CNTN4: variants seen among roughly 807,000 people sequenced by gnomAD.
The protein encoded by CNTN4 is contactin-4.
CNTN4 carries 77 observed loss-of-function variants against 122.5 expected under a neutral mutation model. That is an observed-to-expected ratio of 0.63 (90% CI 0.52 to 0.76). The LOEUF is 0.76. Among genes scored for constraint, CNTN4 ranks in the 30% least tolerant of loss-of-function variants. The probability of loss-of-function intolerance (pLI) is 0.00; values close to 1 mark genes in which losing one functional copy is unlikely to be tolerated. For missense variants in CNTN4, 1,256 were observed against 1,259.1 expected, an observed-to-expected ratio of 1.00 and a Z score of 0.04; for synonymous variants, 512 against 447.0, an observed-to-expected ratio of 1.15 and a Z score of -1.83.
chr3:2,982,729 T>G (rs1694145977), intron 13 of CNTN4, among the ~76,000 whole-genome samples: 1 of 152,188 alleles, frequency 6.6e-6, no homozygotes, highest in South Asian at 2.1e-4. Context: ...CCTGCCCATC[T>G]TTATACCTAG....
At position 2,141,556 on chromosome 3, in the gene CNTN4, T is replaced by C. The variant is rs998429840; in HGVS notation, c.-145+40917T>C. On this transcript the variant is annotated intron_variant, in intron 2 of 24. Coordinates refer to ENST00000418658, the MANE Select transcript of CNTN4 (RefSeq NM_175607.3). ...CCAGAACTGTAAGATAGTAAATGTATATTGCTTTAAATTACTACATTTGTG... is the reference window on the plus strand; with the variant it reads ...CCAGAACTGTAAGATAGTAAATGTACATTGCTTTAAATTACTACATTTGTG... Among the ~76,000 whole-genome samples, 4 of 152,280 alleles carry C rather than the reference T, an allele frequency of 2.6e-5. No individual in the cohort carries two copies. The East Asian group carries it at 5.8e-4, about 22-fold the overall frequency.
At chr3:2,665,524 A>G (rs1253849637) in intron 4 of CNTN4, among the ~76,000 whole-genome samples, 1 of 152,204 alleles carries the variant, frequency 6.6e-6, no homozygotes, top group Admixed American at 6.5e-5. Context: ...TGAGATTGAC[A>G]TCTCTGCAGC....
intron 2 of CNTN4, among the ~76,000 whole-genome samples, chr3:2,185,504 A>G (rs931552574): frequency 1.3e-5 from 2 of 152,094 alleles, no homozygotes; most frequent in African/African-American, 4.8e-5. Context: ...CACTTTCCAT[A>G]TGCTCTAAGT....
In CNTN4 at chr3:2,462,629, C is replaced by T. The variant is rs1019730538; in HGVS notation, c.-88-108787C>T. ...TGCAGCTCAATTACAGTCTGGGCAG[C>T]AAGTTTGGACAAAAATAAAAAGAGG... On this transcript the variant is annotated intron_variant, in intron 3 of 24. Transcript: ENST00000418658. Among the ~76,000 whole-genome samples the T allele has an allele frequency of 2.0e-5, 3 of 152,164 alleles. No homozygotes were observed. In the East Asian group the frequency reaches 5.8e-4, roughly 29 times the overall value.
At chr3:2,174,489 A>T (rs1371778297) in intron 2 of CNTN4, among the ~76,000 whole-genome samples, 1 of 152,088 alleles carries the variant, frequency 6.6e-6, no homozygotes, top group African/African-American at 2.4e-5. Context: ...CTTCTCTCTG[A>T]GTTCTCACAG....
chr3:2,988,611 G>C, intron 14 of CNTN4, 139 bp downstream of exon 14: 1 of 862,172 alleles, frequency 1.2e-6, no homozygotes, highest in South Asian at 1.5e-5. Flanking sequence ...CGGCAAACAT[G>C]ATATGATTAA....
chr3:2,352,701 C>A lies in CNTN4; in HGVS notation c.-89+13468C>A, dbSNP rs2044684427. 2.0e-5 allele frequency among the ~76,000 whole-genome samples: 3 copies of A among 152,214 alleles called. No homozygotes were observed. The South Asian group carries it at 6.2e-4, about 32-fold the overall frequency. On this transcript the variant is annotated intron_variant, in intron 3 of 24. Coordinates refer to ENST00000418658, the MANE Select transcript of CNTN4 (RefSeq NM_175607.3). ...GTGGGCTCCGGCATGGCTGGAGCCTCTCCGACAGGTGCCACCCCCTGCTCT... is the reference window on the plus strand; with the variant it reads ...GTGGGCTCCGGCATGGCTGGAGCCTATCCGACAGGTGCCACCCCCTGCTCT...
chr3:2,412,128 C>CT (rs1424554504), intron 3 of CNTN4, among the ~76,000 whole-genome samples: 1 of 151,928 alleles, frequency 6.6e-6, no homozygotes, highest in African/African-American at 2.4e-5. Context: ...TTTTGAGATT[C>CT]TTTTGTATTC....
chr3:3,037,288 GC>G lies in CNTN4; in HGVS notation c.2055del (p.Ser686AlafsTer33). 1 of 1,614,144 alleles carries G rather than the reference GC, an allele frequency of 6.2e-7. No homozygotes were observed. Among genetic ancestry groups the G allele is most frequent in the Non-Finnish European group, 8.5e-7 (1 of 1,180,022 alleles). ...VAANVIGIGE[P>X]SRPSEKRRTE... is the part of the protein sequence containing the mutation. ...CAGCCAACGTGATTGGGATTGGGGAGCCCAGCCGCCCCTCAGAGAAACGGAG... is the reference window on the plus strand; with the variant it reads ...CAGCCAACGTGATTGGGATTGGGGAGCCAGCCGCCCCTCAGAGAAACGGAG... On this transcript the variant is annotated frameshift_variant, in exon 18 of 25. Transcript: ENST00000418658. LOFTEE classifies it high-confidence loss of function.
intron 13 of CNTN4, among the ~76,000 whole-genome samples, chr3:2,960,092 C>A (rs1234868064): frequency 6.6e-6 from 1 of 152,204 alleles, no homozygotes; most frequent in Non-Finnish European, 1.5e-5. Context: ...TTCTTAACGT[C>A]TGTCACCTTC....
At chr3:2,815,546 G>A (rs112941222) in intron 6 of CNTN4, among the ~76,000 whole-genome samples, 4,660 of 152,014 alleles carry the variant, frequency 0.031, 249 homozygotes, top group African/African-American at 0.1. Context: ...ATGTGATACC[G>A]CCTTACACCT....
chr3:2,145,215 C>T (rs1365265532), intron 2 of CNTN4, among the ~76,000 whole-genome samples: 2 of 152,210 alleles, frequency 1.3e-5, no homozygotes, highest in African/African-American at 2.4e-5. Context: ...GTCACTTCAT[C>T]AAATTAGTTC....
At chr3:2,347,921 A>G (rs896436016) in intron 3 of CNTN4, among the ~76,000 whole-genome samples, 6 of 151,672 alleles carry the variant, frequency 4.0e-5, no homozygotes, top group African/African-American at 1.5e-4. Context: ...ATTCCTTTAC[A>G]TACTCTTAAT....
intron 2 of CNTN4, among the ~76,000 whole-genome samples, chr3:2,208,106 T>G (rs776976599): frequency 7.2e-5 from 11 of 152,170 alleles, no homozygotes; most frequent in Non-Finnish European, 1.5e-4. Flanking sequence ...TTATTTAAGA[T>G]ATATACTTCA....
At chr3:2,642,969 A>G (rs1559339090) in intron 4 of CNTN4, among the ~76,000 whole-genome samples, 1 of 152,202 alleles carries the variant, frequency 6.6e-6, no homozygotes, top group Non-Finnish European at 1.5e-5. Flanking sequence ...GGCAGTGGGG[A>G]TGGTAATAAA....
Position 2,199,414 on chromosome 3 carries a change from C to T in CNTN4, c.-145+98775C>T, listed in dbSNP as rs564489492. On this transcript the variant is annotated intron_variant, in intron 2 of 24. Transcript: ENST00000418658. ...GAGATCCCTCCGTACCTTCTCTCCC[C>T]CTGTCCCTACCATATTTTTATTATA... Among the ~76,000 whole-genome samples, 35 of 152,082 alleles carry T rather than the reference C, an allele frequency of 2.3e-4. No homozygotes were observed. The South Asian group carries it at 5.0e-3, about 22-fold the overall frequency.
At chr3:2,103,918 A>G (rs73804666) in intron 2 of CNTN4, among the ~76,000 whole-genome samples, 2 of 152,174 alleles carry the variant, frequency 1.3e-5, no homozygotes, top group Non-Finnish European at 2.9e-5. Flanking sequence ...CAGTGGCTGC[A>G]GTGGAAATGT....
At chr3:2,914,852 T>G (rs2094337215) in intron 12 of CNTN4, among the ~76,000 whole-genome samples, 1 of 152,068 alleles carries the variant, frequency 6.6e-6, no homozygotes, top group Non-Finnish European at 1.5e-5. Flanking sequence ...ATAACCCTGA[T>G]GAACATTGAT....
intron 7 of CNTN4, among the ~76,000 whole-genome samples, chr3:2,859,038 T>C (rs2093646240): frequency 6.6e-6 from 1 of 152,230 alleles, no homozygotes; most frequent in Non-Finnish European, 1.5e-5. Flanking sequence ...TTATTTATTC[T>C]TTGACCAACA....
Sources: allele counts gnomAD v4.1 joint callset (sites outside exome capture counted in the v4.1 genomes callset), GRCh38; gene constraint gnomAD v4.1.1; transcripts MANE v1.5; gene names NCBI Gene and HGNC (gene_info 2026-07-23, HGNC 2026-07-21).